CHD2: variants seen among roughly 807,000 people sequenced by gnomAD.
CHD2 encodes the protein chromodomain helicase DNA binding protein 2, also known as ATP-dependent chromatin remodeler CHD2.
In CHD2, 28 loss-of-function variants were observed where a neutral mutation model predicts 243.9. The observed-to-expected ratio is 0.11, with a 90% CI of 0.09 to 0.16. The LOEUF (loss-of-function observed/expected upper bound fraction) is 0.16. CHD2 is among the 10% of genes least tolerant of loss of function. CHD2 has a pLI of 1.00. For synonymous variants in CHD2, 775 were observed against 779.0 expected, an observed-to-expected ratio of 0.99 and a Z score of 0.09; for missense variants, 1,386 against 2,209.8, an observed-to-expected ratio of 0.63 and a Z score of 7.47.
intron 16 of CHD2, among the ~76,000 whole-genome samples, chr15:92,959,427 T>TA (rs1291406620): frequency 6.6e-6 from 1 of 152,212 alleles, no homozygotes; most frequent in Non-Finnish European, 1.5e-5. Flanking sequence ...GTTTTATTAA[T>TA]ACATATTTCT....
Position 93,020,064 on chromosome 15 carries a change from C to G in CHD2, c.4959C>G (p.Asn1653Lys). The G allele has an allele frequency of 6.2e-7, 1 of 1,614,082 alleles. No homozygotes were observed. The highest frequency in any genetic ancestry group is 1.1e-5 in the South Asian group (1 of 91,078). ...ERKFNYGGGN[N>K]NPPWGSDRHH... ...AGTTCAACTATGGTGGTGGCAACAACAATCCACCATGGGGAAGCGACAGGC... is the reference window on the plus strand; with the variant it reads ...AGTTCAACTATGGTGGTGGCAACAAGAATCCACCATGGGGAAGCGACAGGC... The change falls in exon 38 of 39, where the codon AAC becomes AAG. Residue 1653 changes from asparagine (N) to lysine (K), a missense_variant. By Grantham distance (94) the Asn-to-Lys change is moderately conservative. Around this residue, in one of 19 missense-constraint regions of CHD2, gnomAD observed 347 missense variants for 341.6 expected, o/e 1.02. Coordinates refer to ENST00000394196, the MANE Select transcript of CHD2 (RefSeq NM_001271.4).
chr15:93,016,230 A>G (rs982020557), intron 37 of CHD2, among the ~76,000 whole-genome samples: 1 of 152,230 alleles, frequency 6.6e-6, no homozygotes, highest in South Asian at 2.1e-4. Flanking sequence ...GAGGGCATTT[A>G]TGTTAAGTGA....
At chr15:92,954,393 G>A (rs1206391805) in intron 14 of CHD2, 2 of 152,106 alleles carry the variant, frequency 1.3e-5, no homozygotes, top group Non-Finnish European at 2.9e-5. Flanking sequence ...AACTATTTCT[G>A]GGAAATTGCT....
chr15:92,989,096 A>AT (rs1399229979), intron 26 of CHD2, among the ~76,000 whole-genome samples: 2 of 128,292 alleles, frequency 1.6e-5, no homozygotes, highest in Non-Finnish European at 3.1e-5. Flanking sequence ...CAATGGCGCG[A>AT]TTTTGGCTCA....
chr15:92,920,253 A>G (rs2052929089), intron 2 of CHD2, among the ~76,000 whole-genome samples: 1 of 152,238 alleles, frequency 6.6e-6, no homozygotes, highest in African/African-American at 2.4e-5. Flanking sequence ...ATACGTAGAA[A>G]GAAAGATATT....
intron 1 of CHD2, 103 bp from the exon 2 acceptor site, chr15:92,901,064 T>C (rs2052522349): frequency 6.3e-6 from 4 of 632,448 alleles, no homozygotes; most frequent in Non-Finnish European, 1.1e-5. Flanking sequence ...TGCTTACCGT[T>C]GTTGTGTTAT....
intron 32 of CHD2, among the ~76,000 whole-genome samples, chr15:93,000,938 G>A (rs1399397567): frequency 6.6e-6 from 1 of 152,178 alleles, no homozygotes; most frequent in African/African-American, 2.4e-5. Context: ...GCACAATCCT[G>A]GCTCGCTGCA....
In CHD2 at chr15:92,911,949, C is replaced by T. The variant is rs536207776; in HGVS notation, c.62+10650C>T. Among the ~76,000 whole-genome samples, 6 of 152,286 alleles carry T rather than the reference C, an allele frequency of 3.9e-5. No homozygotes were observed. In the South Asian group the frequency reaches 1.2e-3, roughly 32 times the overall value. ...TGCTGTTCAAAAGGCCATGACTCTA[C>T]ATCAAAAGATTCTAGTTAAAATGTT... On this transcript the variant is annotated intron_variant, in intron 2 of 38. Transcript: ENST00000394196.
chr15:92,968,958 G>T (rs1223768267), intron 17 of CHD2, among the ~76,000 whole-genome samples: 1 of 152,176 alleles, frequency 6.6e-6, no homozygotes, highest in Non-Finnish European at 1.5e-5. Flanking sequence ...CATCCATCTT[G>T]TACATTTCCT....
intron 16 of CHD2, among the ~76,000 whole-genome samples, chr15:92,966,576 G>A (rs77353951): frequency 0.015 from 2,210 of 152,114 alleles, 50 homozygotes; most frequent in African/African-American, 0.051. Flanking sequence ...AGGCCATACC[G>A]GGTGTTACTA....
chr15:92,942,227 C>T (rs1596395660), intron 8 of CHD2, among the ~76,000 whole-genome samples: 1 of 152,142 alleles, frequency 6.6e-6, no homozygotes, highest in East Asian at 1.9e-4. Context: ...TAAGCAAATC[C>T]ACCTTTGGTT....
intron 5 of CHD2, among the ~76,000 whole-genome samples, chr15:92,931,987 C>T (rs757435624): frequency 6.6e-6 from 1 of 151,978 alleles, no homozygotes; most frequent in East Asian, 1.9e-4. Context: ...CTTAGCCTCC[C>T]GAGTAGCTGG....
Position 92,991,479 on chromosome 15 carries a change from C to T in CHD2, c.3417C>T (p.Phe1139=), listed in dbSNP as rs1250537770. The stretch of plus-strand genomic sequence containing the variant: ...GTTTTATTGATCCTATTCTTAGGTT[C>T]ATCAAGGCTTATAAGAAGTTTGGTC... The part of the protein sequence containing the change: ...EGFTDAEIRR[F]IKAYKKFGLP... The change falls in exon 27 of 39, where the codon TTC becomes TTT. Residue 1139 remains phenylalanine (F), a synonymous_variant. Coordinates refer to ENST00000394196, the MANE Select transcript of CHD2 (RefSeq NM_001271.4). 4.4e-6 allele frequency: 7 copies of T among 1,604,584 alleles called. No homozygotes were observed. The highest frequency in any genetic ancestry group is 6.0e-6 in the Non-Finnish European group (7 of 1,173,534).
At chr15:92,962,398 A>G (rs1175382363) in intron 16 of CHD2, among the ~76,000 whole-genome samples, 3 of 151,896 alleles carry the variant, frequency 2.0e-5, no homozygotes, top group East Asian at 1.9e-4. Flanking sequence ...GATTTCATCT[A>G]TTTTCTAAAT....
rs2054213083 is a variant in CHD2, at chr15:92,998,619, G to A, written c.4006G>A (p.Glu1336Lys). 6.2e-7 allele frequency: 1 copy of A among 1,612,276 alleles called. No individual in the cohort carries two copies. ...GAAGGGGGCTGTGACAGGTGGGGAAGAGGTGAGTACGCTGCCAGCTGGTTG... is the reference window on the plus strand; with the variant it reads ...GAAGGGGGCTGTGACAGGTGGGGAAAAGGTGAGTACGCTGCCAGCTGGTTG... ...EKKGAVTGGE[E>K]AKLKKRKPRV... Residue 1336 changes from glutamate to lysine, a missense_variant and splice_region_variant, in exon 31 of 39, where the codon GAG (glutamate) becomes AAG (lysine). Glu to Lys is a moderately conservative substitution (Grantham distance 56). Coordinates refer to ENST00000394196, the MANE Select transcript of CHD2 (RefSeq NM_001271.4). This position sits in a 1 kb window ranked among gnomAD's most constrained non-coding sequence, Gnocchi z 5.1.
At chr15:92,945,927 G>T (rs933139995) in intron 11 of CHD2, 62 bp downstream of exon 11, 8 of 1,475,668 alleles carry the variant, frequency 5.4e-6, no homozygotes, top group African/African-American at 4.2e-5. Flanking sequence ...ATGTTTTGCA[G>T]ATTATTTTGT....
rs1446215301 is a variant in CHD2 at position 93,025,024 on chromosome 15, A to G, written c.*319A>G. 6.5e-6 allele frequency: 2 copies of G among 305,606 alleles called. No individual in the cohort carries two copies. Among genetic ancestry groups the G allele is most frequent in the Admixed American group, 5.0e-5 (1 of 20,128 alleles). 18.9% of individuals were successfully genotyped at this position (305,606 alleles called of 1,614,324 possible). On this transcript the variant is annotated 3_prime_UTR_variant, in exon 39 of 39. Coordinates refer to ENST00000394196, the MANE Select transcript of CHD2 (RefSeq NM_001271.4). ...GGATGTGTTTCCCCAGTCAAGGAAC[A>G]GGGGATCTTCAGAGTCATGAATGTT...
intron 27 of CHD2, 50 bp from the exon 28 acceptor site, chr15:92,992,809 G>A: frequency 6.2e-7 from 1 of 1,600,744 alleles, no homozygotes; most frequent in Non-Finnish European, 8.5e-7. Context: ...TGACACTTAA[G>A]AAGAGTGGGC....
chr15:92,924,579 T>A (rs1328816634), intron 3 of CHD2, 27 bp downstream of exon 3: 1 of 1,591,682 alleles, frequency 6.3e-7, no homozygotes, highest in Admixed American at 1.7e-5. Context: ...GCAGTACAAA[T>A]GTGCTGCTAG....
Sources: allele counts gnomAD v4.1 joint callset (sites outside exome capture counted in the v4.1 genomes callset), GRCh38; gene constraint gnomAD v4.1.1; regional missense constraint gnomAD v4.1.1; non-coding constraint Gnocchi (gnomAD v3.1); transcripts MANE v1.5; gene names NCBI Gene and HGNC (gene_info 2026-07-23, HGNC 2026-07-21).